Variants in RGS7 observed in about 807,000 individuals in gnomAD.
The protein encoded by RGS7 is regulator of G protein signaling 7.
RGS7 carries 27 observed loss-of-function variants against 81.1 expected under a neutral mutation model. The observed-to-expected ratio is 0.33, with a 90% CI of 0.25 to 0.46. The LOEUF (loss-of-function observed/expected upper bound fraction) is 0.46, where lower values mean the gene tolerates loss of function less well. Ranked by LOEUF, RGS7 falls within the 20% of genes least tolerant of loss-of-function variation. RGS7 has a pLI of 1.00. For missense variants in RGS7, 396 were observed against 607.4 expected, an observed-to-expected ratio of 0.65 and a Z score of 3.66; for synonymous variants, 208 against 207.7, an observed-to-expected ratio of 1.00 and a Z score of -0.01.
chr1:241,135,050 G>A (rs2067402256), intron 2 of RGS7, among the ~76,000 whole-genome samples: 1 of 152,098 alleles, frequency 6.6e-6, no homozygotes, highest in Non-Finnish European at 1.5e-5. Context: ...GTTTACAGAG[G>A]ACTATAAAAC....
intron 2 of RGS7, among the ~76,000 whole-genome samples, chr1:241,194,802 C>T (rs73130946): frequency 1.3e-5 from 2 of 152,132 alleles, no homozygotes; most frequent in South Asian, 4.2e-4. Context: ...TGTTCACCCC[C>T]CAAAGCAGTT....
At chr1:240,920,229 A>G in intron 6 of RGS7, 1 of 1,189,352 alleles carries the variant, frequency 8.4e-7, no homozygotes, top group East Asian at 2.3e-5. Context: ...ATGCAGCCAA[A>G]GAGGTCGAAG....
In RGS7 at chr1:240,983,084, T is replaced by C; in HGVS notation, c.221A>G (p.Asp74Gly). 1 of 1,536,228 alleles carries C rather than the reference T, an allele frequency of 6.5e-7. No individual in the cohort carries two copies. The highest frequency in any genetic ancestry group is 9.0e-7 in the Non-Finnish European group (1 of 1,112,304). Residue 74 changes from aspartate to glycine, a missense_variant, in exon 4 of 19, where the codon GAT (aspartate) becomes GGT (glycine). Transcript: ENST00000440928. ...TGGGAAAATGATTTATTTACCTGGA[T>C]CTTCTATAGTTAAGTTCTTTATCAA... Reference protein sequence around the residue: ...QWLIKNLTIEDPVEALHLGTL... With the variant: ...QWLIKNLTIEGPVEALHLGTL...
intron 6 of RGS7, among the ~76,000 whole-genome samples, chr1:240,901,887 A>G (rs1670070144): frequency 6.6e-6 from 1 of 152,114 alleles, no homozygotes. Flanking sequence ...TCTCACATCT[A>G]GTTATATATT....
chr1:241,265,101 T>C (rs749582583), intron 2 of RGS7, among the ~76,000 whole-genome samples: 4 of 152,232 alleles, frequency 2.6e-5, no homozygotes, highest in Admixed American at 6.5e-5. Context: ...GTTCAACCTC[T>C]TGTTACTACA....
chr1:241,040,402 T>A (rs941047399), intron 3 of RGS7, among the ~76,000 whole-genome samples: 8 of 152,204 alleles, frequency 5.3e-5, no homozygotes, highest in Non-Finnish European at 1.2e-4. Context: ...CGTCATTTTT[T>A]CCAAGGTTCT....
At chr1:241,254,198 CAAA>C (rs57205542) in intron 2 of RGS7, among the ~76,000 whole-genome samples, 3 of 64,342 alleles carry the variant, frequency 4.7e-5, no homozygotes, top group East Asian at 4.2e-4. Flanking sequence ...GACTCCATCT[CAAA>C]AAAAAAAAAA....
At chr1:240,842,097 C>T (rs1399139791) in intron 9 of RGS7, among the ~76,000 whole-genome samples, 1 of 151,678 alleles carries the variant, frequency 6.6e-6, no homozygotes, top group East Asian at 1.9e-4. Flanking sequence ...ATTAGTTTCC[C>T]TTAGTATTAG....
At chr1:240,883,682 G>A (rs1038291828) in intron 6 of RGS7, among the ~76,000 whole-genome samples, 7 of 152,152 alleles carry the variant, frequency 4.6e-5, no homozygotes, top group Non-Finnish European at 8.8e-5. Context: ...GACAATGCTC[G>A]GCCTCCTGTT....
intron 2 of RGS7, among the ~76,000 whole-genome samples, chr1:241,157,651 A>T (rs1466794058): frequency 6.6e-6 from 1 of 152,196 alleles, no homozygotes; most frequent in East Asian, 1.9e-4. Context: ...CCATGGCTCA[A>T]ATCTGGCCTG....
At chr1:241,354,803 A>G (rs1573817001) in intron 2 of RGS7, among the ~76,000 whole-genome samples, 1 of 152,202 alleles carries the variant, frequency 6.6e-6, no homozygotes, top group Non-Finnish European at 1.5e-5. Context: ...AGTGTTAACT[A>G]AAGAAATATT....
intron 2 of RGS7, among the ~76,000 whole-genome samples, chr1:241,291,522 G>A (rs1204905410): frequency 1.3e-5 from 2 of 151,372 alleles, no homozygotes; most frequent in African/African-American, 2.4e-5. Flanking sequence ...CTGAAGGGAA[G>A]GTAGGGGCAA....
At chr1:241,346,108 T>C (rs1001091483) in intron 2 of RGS7, among the ~76,000 whole-genome samples, 10 of 151,696 alleles carry the variant, frequency 6.6e-5, no homozygotes, top group African/African-American at 2.4e-4. Flanking sequence ...GGTGTTTCTA[T>C]TACATTATTT....
intron 3 of RGS7, among the ~76,000 whole-genome samples, chr1:240,989,455 A>T (rs1236800028): frequency 6.6e-6 from 1 of 151,776 alleles, no homozygotes; most frequent in Non-Finnish European, 1.5e-5. Context: ...AAGATACCAG[A>T]TAATGGAATT....
At chr1:241,179,617 G>A (rs548998872) in intron 2 of RGS7, among the ~76,000 whole-genome samples, 1 of 152,272 alleles carries the variant, frequency 6.6e-6, no homozygotes, top group South Asian at 2.1e-4. Flanking sequence ...TTACTGCACA[G>A]ATTCGGATGG....
intron 3 of RGS7, among the ~76,000 whole-genome samples, chr1:241,039,763 G>A (rs924029224): frequency 6.6e-6 from 1 of 152,200 alleles, no homozygotes; most frequent in Non-Finnish European, 1.5e-5. Context: ...AAACAAGCCA[G>A]AGACCTTGAA....
chr1:241,270,461 TTTATC>T (rs1451372282), intron 2 of RGS7, among the ~76,000 whole-genome samples: 2 of 152,226 alleles, frequency 1.3e-5, no homozygotes, highest in Non-Finnish European at 2.9e-5. Context: ...GGATAAAACT[TTTATC>T]TTAAATCTAC....
At chr1:241,220,989 G>GAAA (rs1558203169) in intron 2 of RGS7, among the ~76,000 whole-genome samples, 940 of 74,150 alleles carry the variant, frequency 0.013, 25 homozygotes, top group Middle Eastern at 0.056. Flanking sequence ...AAGGAAGGAA[G>GAAA]GAAGGAAGAG....
At chr1:241,149,291 C>T (rs749237232) in intron 2 of RGS7, among the ~76,000 whole-genome samples, 18 of 152,158 alleles carry the variant, frequency 1.2e-4, no homozygotes, top group Middle Eastern at 3.4e-3. Context: ...CCCAGTATCC[C>T]GAATAGTTGA....
Sources: gnomAD v4.1 joint callset for allele counts (sites outside exome capture counted in the v4.1 genomes callset) on GRCh38, gnomAD v4.1.1 for gene constraint, MANE v1.5 for transcripts, NCBI Gene and HGNC (gene_info 2026-07-23, HGNC 2026-07-21) for gene names.